The following GCA variants were observed in gnomAD, a reference collection of about 807,000 sequenced individuals.
GCA encodes grancalcin.
In GCA, 30 loss-of-function variants were observed where a neutral mutation model predicts 32.6. The observed-to-expected ratio is 0.92, with a 90% confidence interval of 0.69 to 1.25. The LOEUF (loss-of-function observed/expected upper bound fraction) is 1.25. GCA is among the 50% of genes most tolerant of loss of function. GCA has a pLI of 0.00. For synonymous variants in GCA, 102 were observed against 84.6 expected (o/e 1.21, Z -1.13); for missense variants, 291 against 266.8 (o/e 1.09, Z -0.63).
chr2:162,352,434 A>G (rs77450057), intron 3 of GCA, 27 bp downstream of exon 3: 129 of 1,283,182 alleles, frequency 1.0e-4, no homozygotes, highest in Non-Finnish European at 1.4e-4. Context: ...CCTTTTGTTG[A>G]AATTATAATA....
chr2:162,370,564 T>C (rs1350719832), intron 4 of GCA, among the ~76,000 whole-genome samples: 1 of 152,140 alleles, frequency 6.6e-6, no homozygotes, highest in East Asian at 1.9e-4. Flanking sequence ...GTATAATAGA[T>C]TTTTATTTAA....
upstream of GCA, among the ~76,000 whole-genome samples, chr2:162,339,169 C>T (rs1280377592): frequency 6.6e-6 from 1 of 152,102 alleles, no homozygotes; most frequent in African/African-American, 2.4e-5. Context: ...CACTGGTGGG[C>T]AGTAACCCTT....
intron 1 of GCA, 98 bp downstream of exon 1, chr2:162,344,373 C>G: frequency 8.5e-7 from 1 of 1,174,876 alleles, no homozygotes; most frequent in East Asian, 2.5e-5. Context: ...CTCCTGCTCC[C>G]TGCGTCCGCG....
At chr2:162,368,047 G>A (rs557516195), downstream of GCA, among the ~76,000 whole-genome samples, 1 of 151,832 alleles carries the variant, frequency 6.6e-6, no homozygotes, top group South Asian at 2.1e-4. Context: ...TAAGGATCAC[G>A]TGAGGGAGGG....
chr2:162,323,900 T>G (rs556709937), intron 1 of GCA, among the ~76,000 whole-genome samples: 1 of 149,918 alleles, frequency 6.7e-6, no homozygotes. Context: ...GGGCTCTTTT[T>G]TGGTTCCATA....
rs982130528 is a variant in GCA, at chr2:162,361,601, A to T, written c.*1358A>T. ...TTTAAATCAGCCTTCACTTAAAAAAATCCTGGAAAGGAAGTAACGCATAGT... is the reference window on the plus strand; with the variant it reads ...TTTAAATCAGCCTTCACTTAAAAAATTCCTGGAAAGGAAGTAACGCATAGT... On this transcript the variant is annotated 3_prime_UTR_variant, in exon 8 of 8. Coordinates refer to ENST00000437150, the MANE Select transcript of GCA (RefSeq NM_012198.5). The T allele has an allele frequency of 6.1e-6, 6 of 983,130 alleles. No homozygotes were observed. The highest frequency in any genetic ancestry group is 7.2e-6 in the Non-Finnish European group (6 of 828,104). The allele number at this position is 983,130 out of a possible 1,614,324, so 60.9% of individuals were successfully genotyped here. A position where few individuals can be genotyped will look rare whatever the true frequency, so the allele number is the denominator to read the frequency against.
chr2:162,319,257 G>A (rs1683582123), intron 1 of GCA: 2 of 456,848 alleles, frequency 4.4e-6, no homozygotes, highest in South Asian at 3.1e-5. Flanking sequence ...ACAATAAACA[G>A]TTAACTTTAC....
In GCA at chr2:162,356,815, A is replaced by G. The variant is rs1685298984; in HGVS notation, c.364A>G (p.Asn122Asp). The G allele has an allele frequency of 1.9e-6, 3 of 1,607,996 alleles. No homozygotes were observed. Among genetic ancestry groups the G allele is most frequent in the Non-Finnish European group, 1.7e-6 (2 of 1,174,982 alleles). The change falls in exon 5 of 8, where the codon AAT becomes GAT. Residue 122 changes from asparagine to aspartate, a missense_variant. Physicochemically the swap from Asn to Asp is conservative, Grantham distance 23 (BLOSUM62 1). Transcript: ENST00000437150. ...ATTCAAAGAGCTATGGGCAGCTCTT[A>G]ATGCCTGGAAGGAAAACTTCATGAC... ...NAFKELWAAL[N>D]AWKENFMTVD...
intron 3 of GCA, among the ~76,000 whole-genome samples, chr2:162,354,945 G>A (rs1685193068): frequency 1.3e-5 from 2 of 152,120 alleles, no homozygotes; most frequent in Non-Finnish European, 2.9e-5. Flanking sequence ...CCTATTCTGA[G>A]ATTGAAGATC....
intron 1 of GCA, among the ~76,000 whole-genome samples, chr2:162,337,687 C>T (rs1002444973): frequency 6.6e-6 from 1 of 152,202 alleles, no homozygotes; most frequent in African/African-American, 2.4e-5. Context: ...GTACCTATCA[C>T]AATTCTTACC....
At position 162,352,421 on chromosome 2, in the gene GCA, T is replaced by TC; in HGVS notation, c.262+18dup. 6.9e-7 allele frequency: 1 copy of TC among 1,448,962 alleles called. No homozygotes were observed. Among genetic ancestry groups the TC allele is most frequent in the East Asian group, 2.3e-5 (1 of 44,056 alleles). The allele number at this position is 1,448,962 out of a possible 1,614,324, so 89.8% of individuals were successfully genotyped here. ...GAACTTACTCTCGTGAGATCTTTTT[T>TC]CCCCTTTTGTTGAAATTATAATAGG... is the stretch of plus-strand genomic sequence containing the variant. On this transcript the variant is annotated intron_variant, in intron 3 of 7. Coordinates refer to ENST00000437150, the MANE Select transcript of GCA (RefSeq NM_012198.5).
At position 162,359,506 on chromosome 2, in the gene GCA, A is replaced by G. The variant is rs558963969; in HGVS notation, c.581A>G (p.Lys194Arg). 4 of 1,524,600 alleles carry G rather than the reference A, an allele frequency of 2.6e-6. No homozygotes were observed. Among genetic ancestry groups the G allele is most frequent in the African/African-American group, 1.4e-5 (1 of 72,536 alleles). 94.4% of individuals were successfully genotyped at this position (1,524,600 alleles called of 1,614,324 possible). A position where few individuals can be genotyped will look rare whatever the true frequency, so the allele number is the denominator to read the frequency against. ...TCTTTGTTTAAAGATTTCTTTAGGA[A>G]AAGAGACCACTTGCAACAAGGGTCT... Reference protein sequence around the residue: ...KLRALTDFFRKRDHLQQGSAN... With the variant: ...KLRALTDFFRRRDHLQQGSAN... The change falls in exon 7 of 8, where the codon AAA (lysine) becomes AGA (arginine). Residue 194 changes from lysine (K) to arginine (R), a missense_variant. Lys to Arg is a conservative substitution (Grantham distance 26). Transcript: ENST00000437150.
chr2:162,343,056 G>A (rs1684503057), upstream of GCA, among the ~76,000 whole-genome samples: 1 of 152,190 alleles, frequency 6.6e-6, no homozygotes, highest in Admixed American at 6.5e-5. Context: ...TGTTTCACAA[G>A]GTCCAACATC....
downstream of GCA, among the ~76,000 whole-genome samples, chr2:162,373,840 AATT>A (rs1305824378): frequency 6.6e-6 from 1 of 152,206 alleles, no homozygotes; most frequent in African/African-American, 2.4e-5. Context: ...ATGTCTCACT[AATT>A]ATTCTGATAA....
At position 162,360,456 on chromosome 2, in the gene GCA, TATAA is replaced by T; in HGVS notation, c.*217_*220del. On this transcript the variant is annotated 3_prime_UTR_variant, in exon 8 of 8. Transcript: ENST00000437150. ...ATTACTGCTTTTGGAAAAGTTATTTTATAAATATGTGCATATTGTCATAAAATAT... is the reference window on the plus strand; with the variant it reads ...ATTACTGCTTTTGGAAAAGTTATTTTATATGTGCATATTGTCATAAAATAT... The T allele has an allele frequency of 9.4e-7, 1 of 1,060,924 alleles. No individual in the cohort carries two copies. Among genetic ancestry groups the T allele is most frequent in the Non-Finnish European group, 1.2e-6 (1 of 801,338 alleles). The allele number at this position is 1,060,924 out of a possible 1,614,324, so 65.7% of individuals were successfully genotyped here. A position where few individuals can be genotyped will look rare whatever the true frequency, so the allele number is the denominator to read the frequency against.
intron 1 of GCA, among the ~76,000 whole-genome samples, chr2:162,337,689 A>G (rs545527893): frequency 6.6e-6 from 1 of 152,284 alleles, no homozygotes; most frequent in East Asian, 1.9e-4. Flanking sequence ...ACCTATCACA[A>G]TTCTTACCCC....
chr2:162,340,207 G>C (rs1448816128), upstream of GCA, among the ~76,000 whole-genome samples: 1 of 152,108 alleles, frequency 6.6e-6, no homozygotes, highest in Admixed American at 6.6e-5. Context: ...TGGTTGGTAG[G>C]CACCCTCACC....
At chr2:162,349,053 GAATA>G (rs1277797936) in intron 2 of GCA, among the ~76,000 whole-genome samples, 6 of 150,884 alleles carry the variant, frequency 4.0e-5, no homozygotes, top group African/African-American at 1.5e-4. Context: ...ATGTTGTTGA[GAATA>G]AATATTAAAT....
chr2:162,345,584 A>C (rs181997180), intron 1 of GCA, among the ~76,000 whole-genome samples: 332 of 152,332 alleles, frequency 2.2e-3, no homozygotes, highest in African/African-American at 7.7e-3. Context: ...TCCACGACAC[A>C]ATAAAGAGAA....
Sources: gnomAD v4.1 joint callset for allele counts (sites outside exome capture counted in the v4.1 genomes callset) on GRCh38, gnomAD v4.1.1 for gene constraint, MANE v1.5 for transcripts, NCBI Gene and HGNC (gene_info 2026-07-23, HGNC 2026-07-21) for gene names.